The following KCNIP4 variants were observed in gnomAD, a reference collection of about 807,000 sequenced individuals.
KCNIP4 encodes Kv channel-interacting protein 4.
Under a neutral mutation model 34.0 loss-of-function variants are expected in KCNIP4, and 12 were observed. The observed-to-expected ratio is 0.35, with a 90% CI of 0.23 to 0.57. The LOEUF (loss-of-function observed/expected upper bound fraction) is 0.57. Among genes scored for constraint, KCNIP4 ranks in the 20% least tolerant of loss-of-function variants. KCNIP4 has a pLI of 0.83. For missense variants in KCNIP4, 238 were observed against 311.7 expected, an observed-to-expected ratio of 0.76 and a Z score of 1.78; for synonymous variants, 124 against 102.2, an observed-to-expected ratio of 1.21 and a Z score of -1.29.
intron 1 of KCNIP4, among the ~76,000 whole-genome samples, chr4:21,549,380 G>A (rs144016447): frequency 3.9e-5 from 6 of 151,948 alleles, no homozygotes; most frequent in Non-Finnish European, 7.4e-5. Flanking sequence ...GATCCCTCAC[G>A]AATGGCTCAA....
chr4:21,763,839 T>A (rs139401280), intron 1 of KCNIP4, among the ~76,000 whole-genome samples: 5 of 152,260 alleles, frequency 3.3e-5, no homozygotes, highest in African/African-American at 9.6e-5. Flanking sequence ...CACTGATTTA[T>A]CTGAAATTGT....
chr4:21,523,395 G>A (rs1735707473), intron 1 of KCNIP4, among the ~76,000 whole-genome samples: 2 of 152,026 alleles, frequency 1.3e-5, no homozygotes, highest in South Asian at 2.1e-4. Context: ...ACAGTGACTT[G>A]ATATGATTTA....
At chr4:20,791,083 T>C (rs1712691271) in intron 3 of KCNIP4, among the ~76,000 whole-genome samples, 1 of 152,160 alleles carries the variant, frequency 6.6e-6, no homozygotes, top group African/African-American at 2.4e-5. Flanking sequence ...ATGTTACATA[T>C]ACAAGGCAAA....
At chr4:20,751,305 T>G (rs1753577504) in intron 4 of KCNIP4, among the ~76,000 whole-genome samples, 1 of 152,180 alleles carries the variant, frequency 6.6e-6, no homozygotes, top group Non-Finnish European at 1.5e-5. Context: ...CATCCAGTAT[T>G]GATACATTGC....
intron 1 of KCNIP4, among the ~76,000 whole-genome samples, chr4:21,355,234 T>TA (rs1179458555): frequency 1.3e-5 from 2 of 152,042 alleles, no homozygotes; most frequent in South Asian, 4.2e-4. Context: ...ACATCACAAT[T>TA]AAAATAACTA....
intron 1 of KCNIP4, among the ~76,000 whole-genome samples, chr4:21,513,907 G>A (rs1734546654): frequency 6.6e-6 from 1 of 152,144 alleles, no homozygotes. Flanking sequence ...GGATTTAGGA[G>A]AGCTTGGTTT....
chr4:21,418,877 G>A (rs754043619), intron 1 of KCNIP4, among the ~76,000 whole-genome samples: 1 of 152,172 alleles, frequency 6.6e-6, no homozygotes, highest in Non-Finnish European at 1.5e-5. Flanking sequence ...CCCTACAAGA[G>A]CCAGATAATA....
intron 1 of KCNIP4, among the ~76,000 whole-genome samples, chr4:21,490,397 C>A (rs1732287958): frequency 1.3e-5 from 2 of 152,108 alleles, no homozygotes; most frequent in African/African-American, 2.4e-5. Context: ...TTCCTTCTCA[C>A]AACCCCATTG....
chr4:21,117,103 C>T (rs1025061216), intron 1 of KCNIP4, among the ~76,000 whole-genome samples: 3 of 152,174 alleles, frequency 2.0e-5, no homozygotes, highest in East Asian at 1.9e-4. Flanking sequence ...ATTTCACAAA[C>T]GGGGAAAGTG....
chr4:21,191,524 G>C (rs772524992), intron 1 of KCNIP4, among the ~76,000 whole-genome samples: 12 of 152,108 alleles, frequency 7.9e-5, no homozygotes, highest in Non-Finnish European at 1.5e-4. Context: ...AGGATGATGC[G>C]CCCTAGTGCT....
chr4:21,862,604 T>G (rs1423790608), intron 1 of KCNIP4, among the ~76,000 whole-genome samples: 1 of 152,184 alleles, frequency 6.6e-6, no homozygotes, highest in African/African-American at 2.4e-5. Flanking sequence ...AGGGAAGGGC[T>G]GTATTTGTCT....
rs575907386 is a variant in KCNIP4 at position 21,352,302 on chromosome 4, C to T, written c.62-469593G>A. ...GACAGTGGGTGTAGCCCACGGAGGG[C>T]AAGCCAAAGCAGGGTGGGACGTCGC... On this transcript the variant is annotated intron_variant, in intron 1 of 8. Coordinates refer to ENST00000382152, the MANE Select transcript of KCNIP4 (RefSeq NM_025221.6). 2.1e-4 allele frequency among the ~76,000 whole-genome samples: 32 copies of T among 152,252 alleles called. No homozygotes were observed. The East Asian group carries it at 5.6e-3, about 27-fold the overall frequency.
intron 1 of KCNIP4, among the ~76,000 whole-genome samples, chr4:21,938,639 T>C (rs967676821): frequency 6.6e-6 from 1 of 152,174 alleles, no homozygotes; most frequent in Non-Finnish European, 1.5e-5. Flanking sequence ...AGATTTACTG[T>C]GTGTTCCTTC....
intron 1 of KCNIP4, among the ~76,000 whole-genome samples, chr4:20,929,102 C>A (rs898343017): frequency 2.0e-5 from 3 of 151,994 alleles, no homozygotes; most frequent in Non-Finnish European, 4.4e-5. Context: ...AGGCCAATAT[C>A]TCTGATGAAC....
At chr4:20,881,889 C>G (rs1053257452) in intron 2 of KCNIP4, among the ~76,000 whole-genome samples, 3 of 152,162 alleles carry the variant, frequency 2.0e-5, no homozygotes, top group Non-Finnish European at 4.4e-5. Context: ...AATCCTGCCT[C>G]AAGACTGTGA....
rs5856654 is a variant in KCNIP4, at chr4:21,643,870, TGATAGATA to T, written c.61+304693_61+304700del. Among the ~76,000 whole-genome samples, 550 of 107,788 alleles carry T rather than the reference TGATAGATA, an allele frequency of 5.1e-3. 1 individual carries two copies. Among genetic ancestry groups the T allele is most frequent in the Middle Eastern group, 8.8e-3 (2 of 228 alleles). 70.7% of individuals were successfully genotyped at this position (107,788 alleles called of 152,430 possible). A position where few individuals can be genotyped will look rare whatever the true frequency, so the allele number is the denominator to read the frequency against. On this transcript the variant is annotated intron_variant, in intron 1 of 8. Coordinates refer to ENST00000382152, the MANE Select transcript of KCNIP4 (RefSeq NM_025221.6). ...GATGATAGATAGGTGATGATGATGA[TGATAGATA>T]GATAGATAGATAGATAGATAGATAG...
intron 1 of KCNIP4, among the ~76,000 whole-genome samples, chr4:21,202,090 A>G (rs948412297): frequency 2.6e-5 from 4 of 152,212 alleles, no homozygotes; most frequent in Non-Finnish European, 5.9e-5. Flanking sequence ...TTGAATTACC[A>G]TTTGACCCAA....
chr4:20,834,535 G>A (rs544322050), intron 3 of KCNIP4, among the ~76,000 whole-genome samples: 2 of 152,310 alleles, frequency 1.3e-5, no homozygotes, highest in South Asian at 2.1e-4. Flanking sequence ...GGGAGATGAT[G>A]TTTAAGATGA....
At chr4:21,669,732 A>G (rs1418385294) in intron 1 of KCNIP4, among the ~76,000 whole-genome samples, 5 of 151,982 alleles carry the variant, frequency 3.3e-5, no homozygotes, top group African/African-American at 1.2e-4. Flanking sequence ...ATTACATACC[A>G]TTTTCTTTTT....
Sources: allele counts gnomAD v4.1 joint callset (sites outside exome capture counted in the v4.1 genomes callset), GRCh38; gene constraint gnomAD v4.1.1; transcripts MANE v1.5; gene names NCBI Gene and HGNC (gene_info 2026-07-23, HGNC 2026-07-21).